CPED1: variants seen among roughly 807,000 people sequenced by gnomAD.
CPED1 encodes cadherin-like and PC-esterase domain-containing protein 1.
CPED1 carries 114 observed loss-of-function variants against 128.2 expected under a neutral mutation model. That is an observed-to-expected ratio of 0.89 (90% CI 0.76 to 1.04). The LOEUF (loss-of-function observed/expected upper bound fraction) is 1.04, where lower values mean the gene tolerates loss of function less well. Among genes scored for constraint, CPED1 ranks in the 50% least tolerant of loss-of-function variants. The pLI is 0.00. For missense variants in CPED1, 1,211 were observed against 1,207.1 expected (o/e 1.00, Z -0.05); for synonymous variants, 462 against 426.7 (o/e 1.08, Z -1.02).
intron 5 of CPED1, among the ~76,000 whole-genome samples, chr7:121,094,810 A>C (rs905592679): frequency 5.9e-5 from 9 of 152,194 alleles, no homozygotes; most frequent in African/African-American, 2.2e-4. Flanking sequence ...AGATATTAAA[A>C]GATATTGAAA....
chr7:121,268,261 C>T (rs1792168622), intron 21 of CPED1, among the ~76,000 whole-genome samples: 2 of 152,070 alleles, frequency 1.3e-5, no homozygotes, highest in African/African-American at 4.8e-5. Flanking sequence ...ACTCCAGTAG[C>T]TCCACTGTGC....
At chr7:121,293,776 T>C (rs569737427) in intron 22 of CPED1, among the ~76,000 whole-genome samples, 201 of 152,132 alleles carry the variant, frequency 1.3e-3, no homozygotes, top group African/African-American at 4.6e-3. Context: ...CCCTAACCCC[T>C]TGTGCTTCCT....
intron 18 of CPED1, 61 bp downstream of exon 18, chr7:121,244,399 G>A (rs2272196): frequency 0.34 from 535,118 of 1,574,438 alleles, 93,117 homozygotes; most frequent in Middle Eastern, 0.4. Flanking sequence ...ACTAAAAATC[G>A]TATAGTTGTA....
chr7:121,048,273 A>T (rs1447814701), intron 4 of CPED1, among the ~76,000 whole-genome samples: 1 of 152,006 alleles, frequency 6.6e-6, no homozygotes, highest in Non-Finnish European at 1.5e-5. Context: ...ATCAAACTCA[A>T]CCTGGCGAAA....
intron 15 of CPED1, among the ~76,000 whole-genome samples, chr7:121,141,488 A>G (rs1245953281): frequency 6.6e-6 from 1 of 152,066 alleles, no homozygotes; most frequent in Non-Finnish European, 1.5e-5. Flanking sequence ...TGTCCATAGC[A>G]AAGAAGATAC....
chr7:121,180,292 T>C (rs908808480), intron 16 of CPED1, among the ~76,000 whole-genome samples: 1 of 152,088 alleles, frequency 6.6e-6, no homozygotes, highest in Non-Finnish European at 1.5e-5. Flanking sequence ...TTTTACCTTT[T>C]TCCTATGTTT....
At chr7:121,040,725 A>G (rs1793028289) in intron 3 of CPED1, among the ~76,000 whole-genome samples, 1 of 152,064 alleles carries the variant, frequency 6.6e-6, no homozygotes, top group Non-Finnish European at 1.5e-5. Context: ...TATATTATAA[A>G]GGAATATTAT....
intron 12 of CPED1, among the ~76,000 whole-genome samples, chr7:121,131,321 G>T (rs1257453079): frequency 1.3e-5 from 2 of 152,058 alleles, no homozygotes; most frequent in African/African-American, 4.8e-5. Flanking sequence ...ATACCTGGAA[G>T]TAGTAGGCCC....
chr7:121,088,804 A>G (rs1794509889), intron 5 of CPED1, among the ~76,000 whole-genome samples: 1 of 149,788 alleles, frequency 6.7e-6, no homozygotes, highest in Non-Finnish European at 1.5e-5. Context: ...TGAAAGTGTA[A>G]TAATCTCATT....
chr7:121,118,751 C>G (rs1795313586), intron 7 of CPED1, among the ~76,000 whole-genome samples: 1 of 152,020 alleles, frequency 6.6e-6, no homozygotes, highest in Non-Finnish European at 1.5e-5. Flanking sequence ...TCTGGAGAGG[C>G]CACAAGAAGC....
chr7:121,184,254 C>T (rs535437751), intron 16 of CPED1, among the ~76,000 whole-genome samples: 225 of 151,948 alleles, frequency 1.5e-3, no homozygotes, highest in African/African-American at 5.2e-3. Context: ...TTTTTTTCTA[C>T]TATTTAAGTG....
chr7:121,131,724 C>A (rs1232169301), intron 12 of CPED1, among the ~76,000 whole-genome samples: 1 of 151,846 alleles, frequency 6.6e-6, no homozygotes, highest in Non-Finnish European at 1.5e-5. Flanking sequence ...AGACTATATT[C>A]AAAAATCCCA....
At chr7:121,218,414 C>A (rs1797807674) in intron 16 of CPED1, among the ~76,000 whole-genome samples, 1 of 152,006 alleles carries the variant, frequency 6.6e-6, no homozygotes, top group African/African-American at 2.4e-5. Flanking sequence ...ACATTCCCCA[C>A]AAGTTACATC....
At position 121,127,088 on chromosome 7, in the gene CPED1, A is replaced by G; in HGVS notation, c.1135-2A>G. On this transcript the variant is annotated splice_acceptor_variant, in intron 9 of 22. Coordinates refer to ENST00000310396, the MANE Select transcript of CPED1 (RefSeq NM_024913.5). LOFTEE classifies it high-confidence loss of function. ...ATTTGCTGTGCTTTTGTTCTTTCAA[A>G]GGTACACGAGCATTTAAATTTTCAA... 1.3e-6 allele frequency: 2 copies of G among 1,558,476 alleles called. No homozygotes were observed. Among genetic ancestry groups the G allele is most frequent in the Non-Finnish European group, 1.7e-6 (2 of 1,157,392 alleles).
intron 12 of CPED1, among the ~76,000 whole-genome samples, chr7:121,132,245 A>G (rs1788145166): frequency 6.6e-6 from 1 of 152,078 alleles, no homozygotes; most frequent in South Asian, 2.1e-4. Flanking sequence ...TCAGGTTACA[A>G]AGCTAATAGA....
At position 121,158,603 on chromosome 7, in the gene CPED1, A is replaced by T. The variant is rs555056781; in HGVS notation, c.2055+16462A>T. Among the ~76,000 whole-genome samples, 34 of 152,018 alleles carry T rather than the reference A, an allele frequency of 2.2e-4. No homozygotes were observed. In the East Asian group the frequency reaches 2.7e-3, roughly 12 times the overall value. ...TTCTGGAGGAACAAATATTAAAAAA[A>T]TTTTTATATTTCTCCAAGGTAATAG... On this transcript the variant is annotated intron_variant, in intron 16 of 22. Transcript: ENST00000310396.
intron 5 of CPED1, among the ~76,000 whole-genome samples, chr7:121,094,780 C>T (rs140090958): frequency 3.3e-5 from 5 of 152,232 alleles, no homozygotes; most frequent in African/African-American, 7.2e-5. Context: ...CATAAGCAGG[C>T]GCTCAGTATC....
chr7:121,222,231 G>GT (rs1186896695), intron 16 of CPED1, among the ~76,000 whole-genome samples: 1 of 152,080 alleles, frequency 6.6e-6, no homozygotes, highest in African/African-American at 2.4e-5. Context: ...CCCATTTCTT[G>GT]TTTTTGTCAG....
At chr7:121,149,802 A>AT (rs1202455253) in intron 16 of CPED1, among the ~76,000 whole-genome samples, 2 of 152,194 alleles carry the variant, frequency 1.3e-5, no homozygotes, top group African/African-American at 4.8e-5. Context: ...TGGATTTCCA[A>AT]TGTGACATTT....
Sources: gnomAD v4.1 joint callset for allele counts (sites outside exome capture counted in the v4.1 genomes callset) on GRCh38, gnomAD v4.1.1 for gene constraint, MANE v1.5 for transcripts, NCBI Gene and HGNC (gene_info 2026-07-23, HGNC 2026-07-21) for gene names.